Variants in G3BP2 observed in about 807,000 individuals in gnomAD.
G3BP2 encodes G3BP stress granule assembly factor 2.
Under a neutral mutation model 56.7 loss-of-function variants are expected in G3BP2, and 11 were observed. That is an observed-to-expected ratio of 0.19 (90% CI 0.12 to 0.32). The LOEUF (loss-of-function observed/expected upper bound fraction) is 0.32, where lower values mean the gene tolerates loss of function less well. Ranked by LOEUF, G3BP2 falls within the 10% of genes least tolerant of loss-of-function variation. The pLI, the probability that G3BP2 is intolerant of heterozygous loss-of-function variation, is 1.00. For missense variants in G3BP2, 340 were observed against 610.9 expected (o/e 0.56, Z 4.67); for synonymous variants, 165 against 191.6 (o/e 0.86, Z 1.15).
chr4:75,718,383 T>A (rs72855768), intron 3 of G3BP2, among the ~76,000 whole-genome samples: 5,282 of 152,256 alleles, frequency 0.035, 292 homozygotes, highest in African/African-American at 0.12. Context: ...ATTACGTTTA[T>A]TAAATAATGT....
chr4:75,648,073 G>A (rs565339580), intron 9 of G3BP2, among the ~76,000 whole-genome samples: 1 of 152,278 alleles, frequency 6.6e-6, no homozygotes, highest in African/African-American at 2.4e-5. Flanking sequence ...GACTAGGCCG[G>A]GCACAGTGGC....
At chr4:75,707,437 G>C (rs936592773) in intron 3 of G3BP2, among the ~76,000 whole-genome samples, 1 of 151,494 alleles carries the variant, frequency 6.6e-6, no homozygotes, top group Admixed American at 6.6e-5. Context: ...GTGAAACCCC[G>C]TCTCTACTAA....
intron 3 of G3BP2, among the ~76,000 whole-genome samples, chr4:75,711,902 A>G (rs541647788): frequency 1.3e-5 from 2 of 152,184 alleles, no homozygotes; most frequent in East Asian, 3.9e-4. Flanking sequence ...CTCTTCCACA[A>G]CTGCTTCTAC....
intron 3 of G3BP2, among the ~76,000 whole-genome samples, chr4:75,658,477 T>C (rs574284592): frequency 3.3e-5 from 5 of 150,268 alleles, no homozygotes; most frequent in Admixed American, 3.3e-4. Flanking sequence ...ACGGCTGTAA[T>C]CCCAGCACTT....
Position 75,710,017 on chromosome 4 carries a change from G to A in G3BP2, c.-25+10860C>T, listed in dbSNP as rs578095074. Among the ~76,000 whole-genome samples the A allele has an allele frequency of 3.6e-3, 550 of 152,242 alleles. 5 individuals are homozygous for A. Among genetic ancestry groups the A allele is most frequent in the African/African-American group, 0.013 (527 of 41,544 alleles). On this transcript the variant is annotated intron_variant, in intron 3 of 3. Transcript: ENST00000499709. ...GCTAATTCCATTTAATGGGAAAAAA[G>A]AGCTTATTGAACATATGACCACATA...
At position 75,656,944 on chromosome 4, in the gene G3BP2, G is replaced by T; in HGVS notation, c.422C>A (p.Ser141Tyr). The T allele has an allele frequency of 6.5e-7, 1 of 1,529,836 alleles. No individual in the cohort carries two copies. The highest frequency in any genetic ancestry group is 9.0e-7 in the Non-Finnish European group (1 of 1,108,676). The allele number at this position is 1,529,836 out of a possible 1,614,324, so 94.8% of individuals were successfully genotyped here. ...FRYEDEVFGD[S>Y]EPELDEESED... ...CTCACCTTCATCAAGTTCAGGCTCA[G>T]AATCACCAAACACTTCATCTTCATA... Residue 141 changes from serine (S) to tyrosine (Y), a missense_variant, in exon 5 of 12, where the codon TCT becomes TAT. By Grantham distance (144) the Ser-to-Tyr change is moderately radical (BLOSUM62 -2). This residue lies in a region of G3BP2 where 224 missense variants were observed against 332.5 expected (regional missense o/e 0.67). Coordinates refer to ENST00000359707, the MANE Select transcript of G3BP2 (RefSeq NM_203505.3).
At chr4:75,701,957 A>T (rs1281047236) in intron 3 of G3BP2, among the ~76,000 whole-genome samples, 1 of 152,162 alleles carries the variant, frequency 6.6e-6, no homozygotes, top group Non-Finnish European at 1.5e-5. Context: ...AGAGTCTCCC[A>T]GTATAATTCA....
At chr4:75,645,867 G>T (rs1269442092) in intron 11 of G3BP2, among the ~76,000 whole-genome samples, 165 bp from the exon 12 acceptor site, 2 of 152,064 alleles carry the variant, frequency 1.3e-5, no homozygotes, top group Non-Finnish European at 2.9e-5. Context: ...GTGACAGCCA[G>T]TGGCACAAGC....
intron 1 of G3BP2, among the ~76,000 whole-genome samples, chr4:75,670,023 G>A (rs926586187): frequency 6.6e-6 from 1 of 152,204 alleles, no homozygotes; most frequent in African/African-American, 2.4e-5. Context: ...GAACCCGGGG[G>A]CGGAGGTTGC....
chr4:75,660,543 A>T (rs1475981179), intron 2 of G3BP2, among the ~76,000 whole-genome samples: 1 of 152,182 alleles, frequency 6.6e-6, no homozygotes, highest in Non-Finnish European at 1.5e-5. Context: ...TCACTTTAAG[A>T]CTGTCATAAG....
At chr4:75,706,077 G>T (rs1258320774) in intron 3 of G3BP2, among the ~76,000 whole-genome samples, 1 of 152,090 alleles carries the variant, frequency 6.6e-6, no homozygotes, top group Non-Finnish European at 1.5e-5. Flanking sequence ...TATGAGGTTG[G>T]TTCTATTATT....
In G3BP2 at chr4:75,655,211, T is replaced by C. The variant is rs371079826; in HGVS notation, c.581A>G (p.His194Arg). Residue 194 changes from histidine (H) to arginine (R), a missense_variant, in exon 7 of 12, where the codon CAT becomes CGT. His to Arg is a conservative substitution (Grantham distance 29). Around this residue, in one of 4 missense-constraint regions of G3BP2, gnomAD observed 224 missense variants for 332.5 expected, o/e 0.67. Coordinates refer to ENST00000359707, the MANE Select transcript of G3BP2 (RefSeq NM_203505.3). ...AGATTCTGGCTCAGGTTCAGGTTCA[T>C]GAGAGGATTCTTCCAAAGGCTCCTC... Reference protein sequence around the residue: ...GIEEPLEESSHEPEPEPESET... With the variant: ...GIEEPLEESSREPEPEPESET... 1.2e-5 allele frequency: 20 copies of C among 1,613,608 alleles called. No homozygotes were observed. Among genetic ancestry groups the C allele is most frequent in the Non-Finnish European group, 1.7e-5 (20 of 1,179,668 alleles).
Position 75,648,692 on chromosome 4 carries a change from C to A in G3BP2, c.875G>T (p.Arg292Leu). The A allele has an allele frequency of 6.2e-7, 1 of 1,610,418 alleles. No individual in the cohort carries two copies. Among genetic ancestry groups the A allele is most frequent in the Non-Finnish European group, 8.5e-7 (1 of 1,177,106 alleles). The stretch of plus-strand genomic sequence containing the variant: ...AGGTCGTTCTCTAGGTCGTTGTTCA[C>A]GCACACGAGGTGGCTGAGATTGAAC... ...PEVQSQPPRV[R>L]EQRPRERPGF... Residue 292 changes from arginine (R) to leucine (L), a missense_variant, in exon 9 of 12, where the codon CGT becomes CTT. Around this residue, in one of 4 missense-constraint regions of G3BP2, gnomAD observed 224 missense variants for 332.5 expected, o/e 0.67. Coordinates refer to ENST00000359707, the MANE Select transcript of G3BP2 (RefSeq NM_203505.3).
In G3BP2 at chr4:75,645,585, G is replaced by A; in HGVS notation, c.1294C>T (p.Arg432Ter). 1 of 1,613,856 alleles carries A rather than the reference G, an allele frequency of 6.2e-7. No individual in the cohort carries two copies. Among genetic ancestry groups the A allele is most frequent in the Non-Finnish European group, 8.5e-7 (1 of 1,179,980 alleles). Reference protein sequence around the residue: ...DDRRDIRRNDRGPGGPRGIVG... With the variant: ...DDRRDIRRND ...ATTCCACGTGGACCACCGGGACCTC[G>A]ATCATTGCGCCTAATATCCCTGCGA... Residue 432 changes from arginine (R) to a stop codon, truncating the protein, a stop_gained, in exon 12 of 12, where the codon CGA becomes TGA. Transcript: ENST00000359707. LOFTEE classifies it high-confidence loss of function.
intron 6 of G3BP2, 149 bp from the exon 7 acceptor site, chr4:75,655,395 A>G (rs564318129): frequency 2.8e-5 from 18 of 643,300 alleles, no homozygotes; most frequent in Admixed American, 2.5e-4. Flanking sequence ...AAAAAGAGCT[A>G]TAAGACAGAA....
intron 3 of G3BP2, among the ~76,000 whole-genome samples, chr4:75,679,362 A>G (rs973552814): frequency 2.0e-5 from 3 of 152,222 alleles, no homozygotes; most frequent in Admixed American, 2.0e-4. Flanking sequence ...ACCTAAAGAA[A>G]GAATCAAATG....
intron 3 of G3BP2, among the ~76,000 whole-genome samples, chr4:75,710,255 C>A (rs776029552): frequency 2.0e-5 from 3 of 151,910 alleles, no homozygotes; most frequent in Non-Finnish European, 4.4e-5. Flanking sequence ...GAGTACCACA[C>A]CCAGCCTGCT....
At chr4:75,666,169 T>C (rs1163888993) in intron 1 of G3BP2, among the ~76,000 whole-genome samples, 1 of 152,226 alleles carries the variant, frequency 6.6e-6, no homozygotes, top group Middle Eastern at 3.2e-3. Context: ...TTGCCCACTA[T>C]CTACATGGTC....
At chr4:75,657,855 C>T in intron 3 of G3BP2, 125 bp from the exon 4 acceptor site, 1 of 614,548 alleles carries the variant, frequency 1.6e-6, no homozygotes, top group East Asian at 2.9e-5. Flanking sequence ...TGAACTGAAT[C>T]CAACGACCAT....
Sources: allele counts gnomAD v4.1 joint callset (sites outside exome capture counted in the v4.1 genomes callset), GRCh38; gene constraint gnomAD v4.1.1; regional missense constraint gnomAD v4.1.1; transcripts MANE v1.5; gene names NCBI Gene and HGNC (gene_info 2026-07-23, HGNC 2026-07-21).